The following FBXL7 variants were observed in gnomAD, a reference collection of about 807,000 sequenced individuals.
FBXL7 encodes F-box/LRR-repeat protein 7.
In FBXL7, 12 loss-of-function variants were observed where a neutral mutation model predicts 38.3. The ratio of observed to expected loss-of-function variants is 0.31; its 90% CI spans 0.20 to 0.51. The LOEUF is 0.51. Among genes scored for constraint, FBXL7 ranks in the 20% least tolerant of loss-of-function variants. The pLI, the probability that FBXL7 is intolerant of heterozygous loss-of-function variation, is 0.98. For synonymous variants in FBXL7, 297 were observed against 300.9 expected, an observed-to-expected ratio of 0.99 and a Z score of 0.13; for missense variants, 567 against 676.4, an observed-to-expected ratio of 0.84 and a Z score of 1.79.
chr5:15,824,463 C>T (rs535696327), intron 2 of FBXL7, among the ~76,000 whole-genome samples: 1 of 152,064 alleles, frequency 6.6e-6, no homozygotes, highest in African/African-American at 2.4e-5. Flanking sequence ...GTTTGCTTTG[C>T]TTGTGACCGT....
chr5:15,710,209 A>T (rs1743818565), intron 2 of FBXL7, among the ~76,000 whole-genome samples: 1 of 152,120 alleles, frequency 6.6e-6, no homozygotes, highest in Non-Finnish European at 1.5e-5. Context: ...TGTCCTTGCA[A>T]TACGGATAAG....
At chr5:15,588,018 C>T (rs530282734) in intron 1 of FBXL7, among the ~76,000 whole-genome samples, 1 of 152,074 alleles carries the variant, frequency 6.6e-6, no homozygotes, top group Non-Finnish European at 1.5e-5. Context: ...CACTGTTATG[C>T]CAGGTTGAAA....
chr5:15,935,061 G>A, intron 3 of FBXL7: 1 of 495,622 alleles, frequency 2.0e-6, no homozygotes, highest in South Asian at 1.5e-5. Flanking sequence ...AAGTCTGGAG[G>A]GCTAAGGGAA....
At chr5:15,841,710 G>T (rs1561147471) in intron 2 of FBXL7, among the ~76,000 whole-genome samples, 1 of 152,318 alleles carries the variant, frequency 6.6e-6, no homozygotes, top group East Asian at 1.9e-4. Context: ...GCAGCCTAGG[G>T]ACTTGGTGCC....
At chr5:15,712,323 A>G (rs2126643598) in intron 2 of FBXL7, among the ~76,000 whole-genome samples, 1 of 147,042 alleles carries the variant, frequency 6.8e-6, no homozygotes, top group African/African-American at 2.5e-5. Flanking sequence ...AGCAAATTGC[A>G]GAAAATGATG....
rs76079748 is a variant in FBXL7 at position 15,602,568 on chromosome 5, G to T, written c.38-13415G>T. Among the ~76,000 whole-genome samples the T allele has an allele frequency of 7.0e-4, 106 of 152,122 alleles. 1 individual carries two copies. The highest frequency in any genetic ancestry group is 2.4e-3 in the African/African-American group (100 of 41,508). The stretch of plus-strand genomic sequence containing the variant: ...AGTTGACCATCAAGTGCAGAAGACA[G>T]GCTTGATTGTTTCTAATCAACCTAA... On this transcript the variant is annotated intron_variant, in intron 1 of 3. Transcript: ENST00000504595.
chr5:15,656,088 A>G (rs1296238965), intron 2 of FBXL7, among the ~76,000 whole-genome samples: 1 of 152,218 alleles, frequency 6.6e-6, no homozygotes, highest in Admixed American at 6.5e-5. Context: ...TTATGTGCTT[A>G]CTGTTGAGCT....
chr5:15,652,669 C>T (rs982135932), intron 2 of FBXL7, among the ~76,000 whole-genome samples: 2 of 152,152 alleles, frequency 1.3e-5, no homozygotes, highest in Non-Finnish European at 2.9e-5. Context: ...TGACTCTTCC[C>T]ATCACTTGAA....
chr5:15,601,105 G>A (rs1477710386), intron 1 of FBXL7, among the ~76,000 whole-genome samples: 2 of 152,198 alleles, frequency 1.3e-5, no homozygotes, highest in African/African-American at 2.4e-5. Context: ...TGACTCAGAA[G>A]AGGCAGTTAT....
At chr5:15,734,270 G>A (rs889503969) in intron 2 of FBXL7, among the ~76,000 whole-genome samples, 4 of 152,192 alleles carry the variant, frequency 2.6e-5, no homozygotes, top group East Asian at 1.9e-4. Flanking sequence ...TCACCGTGGC[G>A]CTGTCCAAAT....
At chr5:15,791,134 T>A (rs1737267519) in intron 2 of FBXL7, among the ~76,000 whole-genome samples, 1 of 151,606 alleles carries the variant, frequency 6.6e-6, no homozygotes, top group South Asian at 2.1e-4. Context: ...TTGGGTATAA[T>A]ACCTGCTTTG....
intron 1 of FBXL7, among the ~76,000 whole-genome samples, chr5:15,528,003 T>A (rs754996733): frequency 6.6e-6 from 1 of 151,756 alleles, no homozygotes; most frequent in African/African-American, 2.4e-5. Context: ...AGAAACAATA[T>A]CTAACATGTT....
At chr5:15,764,664 C>G (rs1736540378) in intron 2 of FBXL7, among the ~76,000 whole-genome samples, 1 of 152,214 alleles carries the variant, frequency 6.6e-6, no homozygotes, top group Non-Finnish European at 1.5e-5. Context: ...TGGGCTTGGA[C>G]AAGTAATTGG....
chr5:15,806,898 T>G (rs1737726940), intron 2 of FBXL7, among the ~76,000 whole-genome samples: 1 of 152,226 alleles, frequency 6.6e-6, no homozygotes, highest in Admixed American at 6.5e-5. Context: ...GCACTGTCCC[T>G]GTGGCTTCTT....
At chr5:15,674,529 A>G (rs1230675408) in intron 2 of FBXL7, among the ~76,000 whole-genome samples, 3 of 152,240 alleles carry the variant, frequency 2.0e-5, no homozygotes, top group Admixed American at 1.3e-4. Context: ...AACTCGCGTT[A>G]TGAATTATCC....
In FBXL7 at chr5:15,894,765, CAT is replaced by C; in HGVS notation, c.128-33123_128-33122del. ...ATTAAGCCTCAAAAAAAGGTCAATT[CAT>C]AGAAGAAAATATCTGGAGTTGGCCC... On this transcript the variant is annotated intron_variant, in intron 2 of 3. Coordinates refer to ENST00000504595, the MANE Select transcript of FBXL7 (RefSeq NM_012304.5). Among the ~76,000 whole-genome samples the C allele has an allele frequency of 1.3e-5, 2 of 152,152 alleles. 1 individual carries two copies. Among genetic ancestry groups the C allele is most frequent in the African/African-American group, 4.8e-5 (2 of 41,440 alleles).
chr5:15,786,239 C>T (rs898036788), intron 2 of FBXL7, among the ~76,000 whole-genome samples: 3 of 152,080 alleles, frequency 2.0e-5, no homozygotes, highest in Non-Finnish European at 4.4e-5. Context: ...CATTAGAGAG[C>T]GTTGGTGAGG....
In FBXL7 at chr5:15,772,273, G is replaced by T. The variant is rs577709004; in HGVS notation, c.128-155617G>T. 2.6e-5 allele frequency among the ~76,000 whole-genome samples: 4 copies of T among 152,304 alleles called. No individual in the cohort carries two copies. The East Asian group carries it at 7.7e-4, about 29-fold the overall frequency. ...CAACCTAAGGGAGATGTCAGGCACAGTTTACAGGTGCTCGCATCCCTCATG... is the reference window on the plus strand; with the variant it reads ...CAACCTAAGGGAGATGTCAGGCACATTTTACAGGTGCTCGCATCCCTCATG... On this transcript the variant is annotated intron_variant, in intron 2 of 3. Transcript: ENST00000504595.
intron 2 of FBXL7, among the ~76,000 whole-genome samples, chr5:15,673,172 C>T (rs562204032): frequency 2.6e-5 from 4 of 152,080 alleles, no homozygotes; most frequent in East Asian, 2.0e-4. Context: ...AAAAATTAAC[C>T]GGGCCTGGTG....
Sources: gnomAD v4.1 joint callset for allele counts (sites outside exome capture counted in the v4.1 genomes callset) on GRCh38, gnomAD v4.1.1 for gene constraint, MANE v1.5 for transcripts, NCBI Gene and HGNC (gene_info 2026-07-23, HGNC 2026-07-21) for gene names.